SNAP25: variants seen among roughly 807,000 people sequenced by gnomAD.
SNAP25 encodes the protein synaptosome associated protein 25.
Under a neutral mutation model 28.7 loss-of-function variants are expected in SNAP25, and 3 were observed. That is an observed-to-expected ratio of 0.10 (90% confidence interval 0.05 to 0.27). The LOEUF (loss-of-function observed/expected upper bound fraction) is 0.27, where lower values mean the gene tolerates loss of function less well. Among genes scored for constraint, SNAP25 ranks in the 10% least tolerant of loss-of-function variants. The pLI is 1.00. For synonymous variants in SNAP25, 61 were observed against 88.1 expected (o/e 0.69, Z 1.72); for missense variants, 117 against 278.7 (o/e 0.42, Z 4.13).
At chr20:10,226,951 T>G (rs1456267771) in intron 1 of SNAP25, among the ~76,000 whole-genome samples, 1 of 152,080 alleles carries the variant, frequency 6.6e-6, no homozygotes, top group Non-Finnish European at 1.5e-5. Flanking sequence ...TTAAGAAACA[T>G]GGTACCTCCT....
At chr20:10,264,866 A>AT (rs2122920947) in intron 1 of SNAP25, among the ~76,000 whole-genome samples, 1 of 151,174 alleles carries the variant, frequency 6.6e-6, no homozygotes, top group African/African-American at 2.4e-5. Flanking sequence ...GGGAATCTGC[A>AT]TTTTAGCAAG....
chr20:10,290,739 C>A (rs965298456), intron 4 of SNAP25, among the ~76,000 whole-genome samples: 9 of 152,170 alleles, frequency 5.9e-5, no homozygotes, highest in South Asian at 2.1e-4. Flanking sequence ...ACGCCATAAT[C>A]TATGCTTATT....
intron 1 of SNAP25, among the ~76,000 whole-genome samples, chr20:10,224,257 C>CTTTTTTTTTTGTT (rs2062690523): frequency 5.7e-5 from 1 of 17,420 alleles, no homozygotes; most frequent in Admixed American, 8.3e-4. Flanking sequence ...ATGTACATGT[C>CTTTTTTTTTTGTT]TTTTTTTTTT....
At chr20:10,263,309 G>A (rs369708395) in intron 1 of SNAP25, among the ~76,000 whole-genome samples, 1 of 151,390 alleles carries the variant, frequency 6.6e-6, no homozygotes, top group African/African-American at 2.4e-5. Context: ...GTGAGCCACC[G>A]CACCAGGCCA....
chr20:10,294,316 C>A (rs1037666745), intron 5 of SNAP25, among the ~76,000 whole-genome samples: 2 of 152,138 alleles, frequency 1.3e-5, no homozygotes, highest in African/African-American at 4.8e-5. Context: ...AAATATCCCA[C>A]TTCCTGTTTA....
chr20:10,253,694 A>G (rs1457083235), intron 1 of SNAP25, among the ~76,000 whole-genome samples: 1 of 152,150 alleles, frequency 6.6e-6, no homozygotes, highest in African/African-American at 2.4e-5. Context: ...TGTAATTTTT[A>G]TATGCAGGAC....
At chr20:10,301,907 TTA>T (rs1157256299) in intron 7 of SNAP25, among the ~76,000 whole-genome samples, 1 of 147,100 alleles carries the variant, frequency 6.8e-6, no homozygotes, top group African/African-American at 2.5e-5. Context: ...TATATGGTTA[TTA>T]TATATATATA....
intron 2 of SNAP25, among the ~76,000 whole-genome samples, chr20:10,276,885 G>A (rs2063701537): frequency 6.6e-6 from 1 of 152,190 alleles, no homozygotes; most frequent in South Asian, 2.1e-4. Context: ...CCAGCAGACT[G>A]CTGCTTGCAG....
chr20:10,285,728 T>C (rs1017283308), intron 4 of SNAP25, among the ~76,000 whole-genome samples: 7 of 151,956 alleles, frequency 4.6e-5, no homozygotes, highest in Admixed American at 1.3e-4. Context: ...AAGGCACTTC[T>C]CCTAAAATTC....
intron 7 of SNAP25, among the ~76,000 whole-genome samples, chr20:10,304,259 A>G (rs1009965593): frequency 6.6e-6 from 1 of 152,212 alleles, no homozygotes; most frequent in African/African-American, 2.4e-5. Flanking sequence ...ATAATAGTAC[A>G]CACTTTATAG....
At chr20:10,268,745 G>A (rs2063546356) in intron 1 of SNAP25, among the ~76,000 whole-genome samples, 1 of 152,192 alleles carries the variant, frequency 6.6e-6, no homozygotes, top group South Asian at 2.1e-4. Context: ...TAAGGTTTCA[G>A]ATAGACTTAA....
At chr20:10,257,302 G>T (rs142349359) in intron 1 of SNAP25, among the ~76,000 whole-genome samples, 1 of 152,320 alleles carries the variant, frequency 6.6e-6, no homozygotes, top group East Asian at 1.9e-4. Flanking sequence ...TGGCCACAGT[G>T]GCTCATGCCT....
chr20:10,227,662 T>C (rs537564688), intron 1 of SNAP25, among the ~76,000 whole-genome samples: 40 of 152,244 alleles, frequency 2.6e-4, no homozygotes, highest in African/African-American at 9.4e-4. Flanking sequence ...TAACGAAGGA[T>C]CAAAGGATTC....
At position 10,258,972 on chromosome 20, in the gene SNAP25, T is replaced by A. The variant is rs363059; in HGVS notation, c.-63-16457T>A. ...TAAAGAAACCCTGCAGTGAATTCACTTCTAGAGCAAATAATTTTCCGGAGA... is the reference window on the plus strand; with the variant it reads ...TAAAGAAACCCTGCAGTGAATTCACATCTAGAGCAAATAATTTTCCGGAGA... On this transcript the variant is annotated intron_variant, in intron 1 of 7. Transcript: ENST00000254976. 4.0e-3 allele frequency among the ~76,000 whole-genome samples: 607 copies of A among 152,328 alleles called. 1 individual carries two copies. The highest frequency in any genetic ancestry group is 0.014 in the African/African-American group (582 of 41,572).
intron 3 of SNAP25, 86 bp from the exon 4 acceptor site, chr20:10,284,638 G>C (rs922820507): frequency 9.9e-7 from 1 of 1,010,076 alleles, no homozygotes; most frequent in Non-Finnish European, 1.6e-6. Flanking sequence ...TCCATTTATA[G>C]GGCTAATTGT....
chr20:10,273,748 C>T (rs1008894671), intron 1 of SNAP25, among the ~76,000 whole-genome samples: 7 of 152,224 alleles, frequency 4.6e-5, no homozygotes, highest in African/African-American at 1.4e-4. Flanking sequence ...AGAGATCATG[C>T]TCTACCATGC....
intron 3 of SNAP25, among the ~76,000 whole-genome samples, chr20:10,282,222 A>G (rs1456794919): frequency 1.3e-5 from 2 of 149,830 alleles, no homozygotes; most frequent in African/African-American, 4.9e-5. Flanking sequence ...GAAGGAAGGA[A>G]GGAAGGGAAA....
intron 3 of SNAP25, among the ~76,000 whole-genome samples, chr20:10,279,058 A>G (rs2063739442): frequency 6.6e-6 from 1 of 152,192 alleles, no homozygotes; most frequent in Non-Finnish European, 1.5e-5. Flanking sequence ...CAGTATAGGG[A>G]AGCAGCGTTC....
chr20:10,306,043 A>C, intron 7 of SNAP25, 86 bp from the exon 8 acceptor site: 2 of 1,286,090 alleles, frequency 1.6e-6, no homozygotes, highest in South Asian at 2.5e-5. Context: ...GGTTTCACCC[A>C]AGAGGAAGCA....
Sources: gnomAD v4.1 joint callset for allele counts (sites outside exome capture counted in the v4.1 genomes callset) on GRCh38, gnomAD v4.1.1 for gene constraint, MANE v1.5 for transcripts, NCBI Gene and HGNC (gene_info 2026-07-23, HGNC 2026-07-21) for gene names.